PPP1CC: variants seen among roughly 807,000 people sequenced by gnomAD.
PPP1CC encodes the protein serine/threonine-protein phosphatase PP1-gamma catalytic subunit.
In PPP1CC, 16 loss-of-function variants were observed where a neutral mutation model predicts 38.4. The ratio of observed to expected loss-of-function variants is 0.42; its 90% CI spans 0.28 to 0.63. The LOEUF (loss-of-function observed/expected upper bound fraction) is 0.63, where lower values mean the gene tolerates loss of function less well. PPP1CC is among the 30% of genes least tolerant of loss of function. PPP1CC has a pLI of 0.25. For missense variants in PPP1CC, 170 were observed against 391.3 expected (o/e 0.43, Z 4.77); for synonymous variants, 158 against 136.0 (o/e 1.16, Z -1.13).
chr12:110,711,665 C>T, the PPP1CC span, among the ~76,000 whole-genome samples: 2 of 152,218 alleles, frequency 1.3e-5, no homozygotes, highest in Middle Eastern at 3.4e-3. Flanking sequence ...TGGCTCATGC[C>T]TGTAATCCCA....
chr12:110,711,382 C>G, the PPP1CC span, among the ~76,000 whole-genome samples: 1 of 150,444 alleles, frequency 6.6e-6, no homozygotes, highest in Non-Finnish European at 1.5e-5. Context: ...GACCCTGTTT[C>G]TATAAAAATA....
At chr12:110,734,641 C>CA (rs2069920819) in intron 1 of PPP1CC, 1 of 153,538 alleles carries the variant, frequency 6.5e-6, no homozygotes, top group Non-Finnish European at 1.5e-5. Context: ...GTGCCCAGCC[C>CA]AGACTATATA....
chr12:110,710,841 C>T, the PPP1CC span, among the ~76,000 whole-genome samples: 18 of 151,560 alleles, frequency 1.2e-4, 1 homozygote, highest in South Asian at 1.3e-3. Flanking sequence ...AGACCAGCCT[C>T]GGCAACAAGG....
chr12:110,736,692 G>A (rs1216004321), intron 1 of PPP1CC, among the ~76,000 whole-genome samples: 2 of 152,248 alleles, frequency 1.3e-5, no homozygotes, highest in Admixed American at 6.5e-5. Flanking sequence ...TACAACACCA[G>A]CTCTTTCTCA....
chr12:110,728,354 G>C (rs1047655867), intron 3 of PPP1CC, among the ~76,000 whole-genome samples: 1 of 148,192 alleles, frequency 6.7e-6, no homozygotes, highest in Admixed American at 6.8e-5. Context: ...AGGCGAGATC[G>C]CGCCCTGCAC....
Position 110,740,757 on chromosome 12 carries a change from T to C in PPP1CC, c.55+1896A>G, listed in dbSNP as rs61250050. Among the ~76,000 whole-genome samples the C allele has an allele frequency of 7.5e-3, 1,137 of 152,282 alleles. 23 individuals carry two copies. Among genetic ancestry groups the C allele is most frequent in the African/African-American group, 0.026 (1,092 of 41,552 alleles). ...TACCAGGCAAAGTACTTATTACAAT[T>C]TTAAAGATCAAAATTAACAAAAGCT... On this transcript the variant is annotated intron_variant, in intron 1 of 6. Transcript: ENST00000335007.
intron 3 of PPP1CC, among the ~76,000 whole-genome samples, chr12:110,729,425 C>A (rs757789537): frequency 1.3e-5 from 2 of 152,158 alleles, no homozygotes; most frequent in Admixed American, 6.5e-5. Flanking sequence ...GATCTCTTGA[C>A]CTTGTGATCC....
intron 4 of PPP1CC, among the ~76,000 whole-genome samples, chr12:110,723,031 G>GTTA (rs1253639325): frequency 6.6e-6 from 1 of 152,228 alleles, no homozygotes; most frequent in Non-Finnish European, 1.5e-5. Context: ...AATGAGCGAT[G>GTTA]TTATGATTGA....
intron 3 of PPP1CC, 109 bp from the exon 4 acceptor site, chr12:110,724,873 C>G (rs2069778538): frequency 1.8e-6 from 1 of 565,710 alleles, no homozygotes; most frequent in Admixed American, 3.1e-5. Flanking sequence ...GCCTTTTAAG[C>G]AAATGAAACT....
chr12:110,740,134 A>G (rs1385705953), intron 1 of PPP1CC, among the ~76,000 whole-genome samples: 1 of 152,210 alleles, frequency 6.6e-6, no homozygotes, highest in African/African-American at 2.4e-5. Context: ...ACTATTACTC[A>G]GCTACTTCTC....
chr12:110,713,220 C>A, the PPP1CC span, among the ~76,000 whole-genome samples: 1 of 151,902 alleles, frequency 6.6e-6, no homozygotes, highest in Non-Finnish European at 1.5e-5. Context: ...GCAACCACCA[C>A]CTCCTGGGTT....
In PPP1CC at chr12:110,730,510, G is replaced by C; in HGVS notation, c.418+19C>G. The stretch of plus-strand genomic sequence containing the variant: ...TCTTAATTTCAATAACTCTTCCTTA[G>C]ATATAGAAAAGTACTTACATTCATC... On this transcript the variant is annotated intron_variant, in intron 3 of 6. Transcript: ENST00000335007. 1.3e-6 allele frequency: 2 copies of C among 1,508,896 alleles called. No individual in the cohort carries two copies. Among genetic ancestry groups the C allele is most frequent in the Non-Finnish European group, 1.8e-6 (2 of 1,099,392 alleles). The allele number at this position is 1,508,896 out of a possible 1,614,324, so 93.5% of individuals were successfully genotyped here.
chr12:110,709,898 T>C, the PPP1CC span, among the ~76,000 whole-genome samples: 2 of 147,936 alleles, frequency 1.4e-5, no homozygotes, highest in Non-Finnish European at 3.0e-5. Context: ...TAATGAAGAA[T>C]GACCAAGTGG....
At chr12:110,711,205 A>T in the PPP1CC span, among the ~76,000 whole-genome samples, 1 of 152,034 alleles carries the variant, frequency 6.6e-6, no homozygotes, top group Non-Finnish European at 1.5e-5. Flanking sequence ...AAAAATTTTT[A>T]AATGCTGAAG....
chr12:110,710,645 G>C, the PPP1CC span, among the ~76,000 whole-genome samples: 5 of 149,862 alleles, frequency 3.3e-5, no homozygotes, highest in African/African-American at 1.2e-4. Flanking sequence ...ATGAACCCAG[G>C]GGGCAGAGCT....
At position 110,720,089 on chromosome 12, in the gene PPP1CC, C is replaced by T; in HGVS notation, c.*987G>A. 1.3e-6 allele frequency: 2 copies of T among 1,501,388 alleles called. No homozygotes were observed. Among genetic ancestry groups the T allele is most frequent in the Non-Finnish European group, 1.8e-6 (2 of 1,116,368 alleles). The allele number at this position is 1,501,388 out of a possible 1,614,324, so 93.0% of individuals were successfully genotyped here. Reference sequence around the variant, plus strand: ...CTTTGTTTTAACTTATAAGCCTCAACTTCACCGCAGAATAAAGAATGTAGG... The same window carrying T: ...CTTTGTTTTAACTTATAAGCCTCAATTTCACCGCAGAATAAAGAATGTAGG... On this transcript the variant is annotated 3_prime_UTR_variant, in exon 7 of 7. Transcript: ENST00000335007.
intron 1 of PPP1CC, among the ~76,000 whole-genome samples, chr12:110,735,894 G>A (rs376909340): frequency 6.7e-4 from 101 of 151,716 alleles, no homozygotes; most frequent in African/African-American, 2.2e-3. Context: ...GTGAAACCCC[G>A]TCTCTACTAA....
downstream of PPP1CC, among the ~76,000 whole-genome samples, chr12:110,717,439 G>A (rs1404712053): frequency 6.6e-6 from 1 of 152,118 alleles, no homozygotes; most frequent in African/African-American, 2.4e-5. Flanking sequence ...TGTCGCCCAG[G>A]CTGGAGTGCA....
chr12:110,729,686 A>G (rs1000411725), intron 3 of PPP1CC, among the ~76,000 whole-genome samples: 5 of 152,184 alleles, frequency 3.3e-5, no homozygotes, highest in Admixed American at 1.3e-4. Context: ...AAACTATAAT[A>G]ATTTCAAAAA....
Sources: allele counts gnomAD v4.1 joint callset (sites outside exome capture counted in the v4.1 genomes callset), GRCh38; gene constraint gnomAD v4.1.1; transcripts MANE v1.5; gene names NCBI Gene and HGNC (gene_info 2026-07-23, HGNC 2026-07-21).